Variants in ACER3 observed in about 807,000 individuals in gnomAD.
ACER3 encodes the protein alkCDase 3.
In ACER3, 16 loss-of-function variants were observed where a neutral mutation model predicts 48.9. The ratio of observed to expected loss-of-function variants is 0.33; its 90% CI spans 0.22 to 0.50. The LOEUF (loss-of-function observed/expected upper bound fraction) is 0.50, where lower values mean the gene tolerates loss of function less well. Among genes scored for constraint, ACER3 ranks in the 20% least tolerant of loss-of-function variants. The probability of loss-of-function intolerance (pLI) is 0.98; values close to 1 mark genes in which losing one functional copy is unlikely to be tolerated. For synonymous variants in ACER3, 109 were observed against 107.8 expected (o/e 1.01, Z -0.07); for missense variants, 227 against 326.0 (o/e 0.70, Z 2.34).
At chr11:76,898,513 G>GTATATATATA (rs1945991964) in intron 1 of ACER3, among the ~76,000 whole-genome samples, 1 of 152,126 alleles carries the variant, frequency 6.6e-6, no homozygotes, top group Non-Finnish European at 1.5e-5. Context: ...AACTTATAGA[G>GTATATATATA]GAGTTTTAAT....
At chr11:76,865,138 ATTTT>A (rs35627838) in intron 1 of ACER3, among the ~76,000 whole-genome samples, 1 of 128,328 alleles carries the variant, frequency 7.8e-6, no homozygotes, top group African/African-American at 2.9e-5. Context: ...TGCCCAGCTA[ATTTT>A]TTTTTTTTTT....
At chr11:76,885,863 G>A (rs1166130385) in intron 1 of ACER3, among the ~76,000 whole-genome samples, 3 of 152,146 alleles carry the variant, frequency 2.0e-5, no homozygotes, top group African/African-American at 4.8e-5. Flanking sequence ...GGGTAAGCAA[G>A]GCCCCAGATG....
chr11:76,967,243 C>T (rs994829212), intron 3 of ACER3, among the ~76,000 whole-genome samples: 1 of 152,114 alleles, frequency 6.6e-6, no homozygotes, highest in African/African-American at 2.4e-5. Context: ...ATACACCCTC[C>T]CAAGACTAAA....
Position 76,973,133 on chromosome 11 carries a change from G to C in ACER3, c.268-3156G>C, listed in dbSNP as rs191344432. ...GAGCAGCTGCCCAGGTGACAGCCATGATGGGGCCTTTCAAGCCGGGAAAGG... is the reference window on the plus strand; with the variant it reads ...GAGCAGCTGCCCAGGTGACAGCCATCATGGGGCCTTTCAAGCCGGGAAAGG... On this transcript the variant is annotated intron_variant, in intron 3 of 10. Coordinates refer to ENST00000532485, the MANE Select transcript of ACER3 (RefSeq NM_018367.7). Among the ~76,000 whole-genome samples the C allele has an allele frequency of 3.9e-5, 6 of 152,338 alleles. No individual in the cohort carries two copies. The East Asian group carries it at 1.2e-3, about 29-fold the overall frequency.
chr11:76,891,073 T>C (rs1945791685), intron 1 of ACER3, among the ~76,000 whole-genome samples: 1 of 151,536 alleles, frequency 6.6e-6, no homozygotes, highest in African/African-American at 2.4e-5. Context: ...GAGCTGAGAC[T>C]GCACCACTGC....
At chr11:76,916,697 G>A (rs1445710562) in intron 1 of ACER3, among the ~76,000 whole-genome samples, 1 of 152,156 alleles carries the variant, frequency 6.6e-6, no homozygotes, top group Non-Finnish European at 1.5e-5. Context: ...TTTCAATAAT[G>A]CCTCTTCATT....
intron 5 of ACER3, among the ~76,000 whole-genome samples, chr11:76,989,387 T>TTA (rs1948752126): frequency 6.6e-6 from 1 of 152,070 alleles, no homozygotes; most frequent in Non-Finnish European, 1.5e-5. Context: ...ATCAAAGATA[T>TTA]TATAGTCTTG....
intron 2 of ACER3, among the ~76,000 whole-genome samples, chr11:76,947,196 A>G (rs964684906): frequency 1.3e-5 from 2 of 152,114 alleles, no homozygotes; most frequent in Non-Finnish European, 2.9e-5. Context: ...CTTTTCCTTC[A>G]CAGTGCCTGA....
rs34786738 is a variant in ACER3 at position 76,975,874 on chromosome 11, CTTTTTTTTTT to C, written c.268-401_268-392del. On this transcript the variant is annotated intron_variant, in intron 3 of 10. Coordinates refer to ENST00000532485, the MANE Select transcript of ACER3 (RefSeq NM_018367.7). ...AAGAGCTGAAACCTTTTTTTCTTTT[CTTTTTTTTTT>C]TTTTTTTTTTTTTGAGACAGGGTCT... 7.3e-5 allele frequency among the ~76,000 whole-genome samples: 6 copies of C among 82,744 alleles called. No homozygotes were observed. The South Asian group carries it at 1.7e-3, about 24-fold the overall frequency. The allele number at this position is 82,744 out of a possible 152,430, so 54.3% of individuals were successfully genotyped here.
intron 1 of ACER3, among the ~76,000 whole-genome samples, chr11:76,905,605 G>A (rs369313107): frequency 3.3e-4 from 50 of 152,110 alleles, no homozygotes; most frequent in Non-Finnish European, 6.2e-4. Flanking sequence ...TTGTGTAAAC[G>A]TACATAAGGA....
At chr11:76,901,710 G>A (rs540484690) in intron 1 of ACER3, among the ~76,000 whole-genome samples, 61 of 152,278 alleles carry the variant, frequency 4.0e-4, no homozygotes, top group African/African-American at 1.3e-3. Flanking sequence ...CAGGGGGTAC[G>A]TGACTGGGGA....
Position 76,890,181 on chromosome 11 carries a change from A to G in ACER3, c.103+29102A>G, listed in dbSNP as rs117069440. On this transcript the variant is annotated intron_variant, in intron 1 of 10. Coordinates refer to ENST00000532485, the MANE Select transcript of ACER3 (RefSeq NM_018367.7). ...TCATTGCTGTATCCCAGGGCTTATT[A>G]CAGTGTCTAGTACATGAGACTCTCA... Among the ~76,000 whole-genome samples, 1,284 of 152,238 alleles carry G rather than the reference A, an allele frequency of 8.4e-3. 5 individuals are homozygous for G. Among genetic ancestry groups the G allele is most frequent in the Non-Finnish European group, 0.014 (952 of 68,010 alleles).
intron 6 of ACER3, among the ~76,000 whole-genome samples, chr11:76,995,606 C>A (rs7943089): frequency 0.11 from 17,211 of 151,730 alleles, 3,212 homozygotes; most frequent in African/African-American, 0.39. Context: ...ATTCTGTCAT[C>A]TTTTTATTAA....
intron 3 of ACER3, among the ~76,000 whole-genome samples, chr11:76,967,582 A>G (rs1413534511): frequency 2.6e-5 from 4 of 152,144 alleles, no homozygotes; most frequent in Non-Finnish European, 2.9e-5. Context: ...ACATCAAAAA[A>G]CTTATCCACC....
chr11:77,023,418 T>C lies in ACER3; in HGVS notation c.*3091T>C, dbSNP rs146216479. 8.8e-4 allele frequency: 313 copies of C among 356,490 alleles called. No individual in the cohort carries two copies. Among genetic ancestry groups the C allele is most frequent in the Non-Finnish European group, 7.0e-5 (14 of 198,846 alleles). The allele number at this position is 356,490 out of a possible 1,614,324, so 22.1% of individuals were successfully genotyped here. Reference sequence around the variant, plus strand: ...TGCCTGCAAAAATTAAGTTCTGTTATAATACCAGCCAATTCTGAATTAGCC... The same window carrying C: ...TGCCTGCAAAAATTAAGTTCTGTTACAATACCAGCCAATTCTGAATTAGCC... On this transcript the variant is annotated 3_prime_UTR_variant, in exon 11 of 11. Transcript: ENST00000532485.
intron 2 of ACER3, among the ~76,000 whole-genome samples, chr11:76,951,892 C>T (rs1947679699): frequency 6.6e-6 from 1 of 152,124 alleles, no homozygotes; most frequent in South Asian, 2.1e-4. Flanking sequence ...TCTGGACTGG[C>T]CTAGCATTTT....
At chr11:76,883,438 C>T (rs377493529) in intron 1 of ACER3, among the ~76,000 whole-genome samples, 11 of 98,932 alleles carry the variant, frequency 1.1e-4, no homozygotes, top group African/African-American at 1.5e-4. Flanking sequence ...GATTTTCTTG[C>T]TTTTTTTTTT....
chr11:76,963,646 T>G (rs1948058617), intron 3 of ACER3, among the ~76,000 whole-genome samples: 1 of 151,420 alleles, frequency 6.6e-6, no homozygotes, highest in Non-Finnish European at 1.5e-5. Flanking sequence ...TTTCAGGATC[T>G]TACCAGCCCA....
At chr11:76,992,645 A>G (rs1375268023) in intron 6 of ACER3, among the ~76,000 whole-genome samples, 1 of 152,184 alleles carries the variant, frequency 6.6e-6, no homozygotes, top group Non-Finnish European at 1.5e-5. Flanking sequence ...TAAGTAATCT[A>G]AAGGTAAAAG....
Sources: gnomAD v4.1 joint callset for allele counts (sites outside exome capture counted in the v4.1 genomes callset) on GRCh38, gnomAD v4.1.1 for gene constraint, MANE v1.5 for transcripts, NCBI Gene and HGNC (gene_info 2026-07-23, HGNC 2026-07-21) for gene names.